Variants in ADAMTSL1 observed in about 807,000 individuals in gnomAD.
The protein encoded by ADAMTSL1 is ADAMTS-like protein 1.
ADAMTSL1 carries 126 observed loss-of-function variants against 201.8 expected under a neutral mutation model. The observed-to-expected ratio is 0.62, with a 90% CI of 0.54 to 0.72. The LOEUF (loss-of-function observed/expected upper bound fraction) is 0.72. Among genes scored for constraint, ADAMTSL1 ranks in the 30% least tolerant of loss-of-function variants. ADAMTSL1 has a pLI of 0.00. For synonymous variants in ADAMTSL1, 1,121 were observed against 903.4 expected, an observed-to-expected ratio of 1.24 and a Z score of -4.32; for missense variants, 2,679 against 2,277.8, an observed-to-expected ratio of 1.18 and a Z score of -3.59.
At position 18,753,340 on chromosome 9, in the gene ADAMTSL1, G is replaced by C; in HGVS notation, c.2049G>C (p.Gly683=). Residue 683 remains glycine (G), a synonymous_variant, in exon 16 of 29, where the codon GGG becomes GGC. Transcript: ENST00000380548. ...GKWSPCSLTC[G]VGLQTRDVFC... is the part of the protein sequence containing the mutation. ...GGAGTCCATGTAGTCTCACATGTGG[G>C]GTCGGCCTACAGACCAGAGACGTCT... 2 of 1,612,400 alleles carry C rather than the reference G, an allele frequency of 1.2e-6. No individual in the cohort carries two copies. The highest frequency in any genetic ancestry group is 1.7e-6 in the Non-Finnish European group (2 of 1,179,380).
At chr9:18,142,311 T>C (rs1826435994) in intron 1 of ADAMTSL1, among the ~76,000 whole-genome samples, 1 of 152,214 alleles carries the variant, frequency 6.6e-6, no homozygotes, top group South Asian at 2.1e-4. Flanking sequence ...TCACTTGCTA[T>C]TTCTTCAAGG....
chr9:18,719,963 A>G (rs952868616), intron 14 of ADAMTSL1, among the ~76,000 whole-genome samples: 2 of 152,224 alleles, frequency 1.3e-5, no homozygotes, highest in Non-Finnish European at 2.9e-5. Context: ...TGCTAATTAC[A>G]TGGATAGTCC....
intron 1 of ADAMTSL1, among the ~76,000 whole-genome samples, chr9:18,496,580 G>C (rs960017919): frequency 2.6e-5 from 4 of 152,204 alleles, no homozygotes; most frequent in Non-Finnish European, 4.4e-5. Flanking sequence ...GTGACATGAA[G>C]TTAGCTAGTC....
rs75181779 is a variant in ADAMTSL1, at chr9:18,679,870, A to G, written c.1137-442A>G. Among the ~76,000 whole-genome samples the G allele has an allele frequency of 6.2e-3, 938 of 152,342 alleles. 11 individuals are homozygous for G. Among genetic ancestry groups the G allele is most frequent in the African/African-American group, 0.021 (875 of 41,580 alleles). Reference sequence around the variant, plus strand: ...TAGAAGTTAAGTAATAAAGCATTACATTGAAAATAAAAAGTATCTGCAGGT... The same window carrying G: ...TAGAAGTTAAGTAATAAAGCATTACGTTGAAAATAAAAAGTATCTGCAGGT... On this transcript the variant is annotated intron_variant, in intron 10 of 28. Coordinates refer to ENST00000380548, the MANE Select transcript of ADAMTSL1 (RefSeq NM_001040272.6).
chr9:18,206,888 G>C (rs1386729929), intron 2 of ADAMTSL1, among the ~76,000 whole-genome samples: 2 of 152,088 alleles, frequency 1.3e-5, no homozygotes, highest in African/African-American at 4.8e-5. Flanking sequence ...AGTGGGCTTG[G>C]CACGGTGGCT....
rs143373479 is a variant in ADAMTSL1, at chr9:18,477,286, C to T, written c.63+2991C>T. ...GCATTTGCCTTTTGTTTCTTTTAAA[C>T]GGTTTTAAGCTCTTTTGCCTGCTAT... is the stretch of plus-strand genomic sequence containing the variant. On this transcript the variant is annotated intron_variant, in intron 1 of 28. Coordinates refer to ENST00000380548, the MANE Select transcript of ADAMTSL1 (RefSeq NM_001040272.6). Among the ~76,000 whole-genome samples the T allele has an allele frequency of 2.2e-3, 339 of 152,242 alleles. 3 individuals carry two copies. Among genetic ancestry groups the T allele is most frequent in the East Asian group, 9.1e-3 (47 of 5,168 alleles).
At chr9:18,814,334 C>T (rs1265157381) in intron 20 of ADAMTSL1, among the ~76,000 whole-genome samples, 1 of 152,136 alleles carries the variant, frequency 6.6e-6, no homozygotes, top group Non-Finnish European at 1.5e-5. Context: ...GGGATCTTAG[C>T]CTGTAGCTTC....
chr9:18,720,775 GA>G (rs927645276), intron 14 of ADAMTSL1, among the ~76,000 whole-genome samples: 1 of 151,880 alleles, frequency 6.6e-6, no homozygotes, highest in South Asian at 2.1e-4. Context: ...ATTCTGTCTT[GA>G]AAAAAAATTT....
rs183614218 is a variant in ADAMTSL1, at chr9:18,638,708, A to G, written c.677-546A>G. Among the ~76,000 whole-genome samples the G allele has an allele frequency of 3.9e-5, 6 of 152,276 alleles. No individual in the cohort carries two copies. The East Asian group carries it at 1.2e-3, about 29-fold the overall frequency. ...TTTTAAAAAGAAAATACTGAAAATG[A>G]TAGTTCTTGTTCTTACATCACTATC... On this transcript the variant is annotated intron_variant, in intron 6 of 28. Coordinates refer to ENST00000380548, the MANE Select transcript of ADAMTSL1 (RefSeq NM_001040272.6).
chr9:18,784,704 C>T (rs759097204), intron 19 of ADAMTSL1, among the ~76,000 whole-genome samples: 10 of 152,196 alleles, frequency 6.6e-5, no homozygotes, highest in Non-Finnish European at 8.8e-5. Context: ...GTGGAGAAAT[C>T]ATCAGGCTCA....
Position 18,611,856 on chromosome 9 carries a change from T to G in ADAMTSL1, c.475-10387T>G, listed in dbSNP as rs1297556422. 4.6e-5 allele frequency among the ~76,000 whole-genome samples: 7 copies of G among 152,316 alleles called. No individual in the cohort carries two copies. In the South Asian group the frequency reaches 1.5e-3, roughly 32 times the overall value. On this transcript the variant is annotated intron_variant, in intron 4 of 28. Transcript: ENST00000380548. ...AATTTAACCACAGAGGCTGCCGAAG[T>G]TCCTACCCTTTGGTGGAGGTGGGAG...
intron 15 of ADAMTSL1, among the ~76,000 whole-genome samples, chr9:18,740,478 C>CTTTTTTTTT (rs11449360): frequency 3.0e-4 from 32 of 105,670 alleles, no homozygotes; most frequent in Non-Finnish European, 3.6e-4. Flanking sequence ...TTTCTTTTAT[C>CTTTTTTTTT]TTTTTTTTTT....
intron 2 of ADAMTSL1, among the ~76,000 whole-genome samples, chr9:18,266,068 A>G (rs1046921677): frequency 6.6e-6 from 1 of 152,228 alleles, no homozygotes; most frequent in South Asian, 2.1e-4. Flanking sequence ...TAAATTTATA[A>G]AGACCACTCT....
At chr9:18,280,647 A>G (rs1447905272) in intron 2 of ADAMTSL1, among the ~76,000 whole-genome samples, 1 of 152,114 alleles carries the variant, frequency 6.6e-6, no homozygotes, top group Non-Finnish European at 1.5e-5. Context: ...CACATGTGTT[A>G]AGGTTTTTAA....
At chr9:18,771,841 T>A (rs576698499) in intron 17 of ADAMTSL1, among the ~76,000 whole-genome samples, 1 of 150,218 alleles carries the variant, frequency 6.7e-6, no homozygotes, top group Admixed American at 6.7e-5. Context: ...TCCAGCTCTC[T>A]CAACATAGGT....
chr9:18,101,279 C>T (rs947956937), intron 1 of ADAMTSL1, among the ~76,000 whole-genome samples: 3 of 152,116 alleles, frequency 2.0e-5, no homozygotes, highest in Non-Finnish European at 4.4e-5. Flanking sequence ...GGGCAGATCA[C>T]GAGGTCAGGA....
intron 19 of ADAMTSL1, among the ~76,000 whole-genome samples, chr9:18,779,484 G>A (rs968883351): frequency 2.6e-5 from 4 of 152,110 alleles, no homozygotes; most frequent in African/African-American, 9.7e-5. Flanking sequence ...AGGTACTACT[G>A]TAGTTACCAC....
intron 2 of ADAMTSL1, among the ~76,000 whole-genome samples, chr9:18,242,589 T>C (rs1462496368): frequency 6.6e-6 from 1 of 152,100 alleles, no homozygotes; most frequent in African/African-American, 2.4e-5. Flanking sequence ...TTGAAGGTGG[T>C]ATGATCTATT....
chr9:18,529,057 A>G (rs1281022221), intron 2 of ADAMTSL1, among the ~76,000 whole-genome samples: 3 of 152,212 alleles, frequency 2.0e-5, no homozygotes, highest in Admixed American at 2.0e-4. Context: ...TTGGATGAAA[A>G]AATTCACACT....
Sources: allele counts gnomAD v4.1 joint callset (sites outside exome capture counted in the v4.1 genomes callset), GRCh38; gene constraint gnomAD v4.1.1; transcripts MANE v1.5; gene names NCBI Gene and HGNC (gene_info 2026-07-23, HGNC 2026-07-21).